MBTPS1: variants seen among roughly 807,000 people sequenced by gnomAD.
MBTPS1 encodes the protein membrane-bound transcription factor site-1 protease.
In MBTPS1, 94 loss-of-function variants were observed where a neutral mutation model predicts 127.8. That is an observed-to-expected ratio of 0.74 (90% confidence interval 0.62 to 0.87). The LOEUF (loss-of-function observed/expected upper bound fraction) is 0.87. Ranked by LOEUF, MBTPS1 falls within the 40% of genes least tolerant of loss-of-function variation. The probability of loss-of-function intolerance (pLI) is 0.00; values close to 1 mark genes in which losing one functional copy is unlikely to be tolerated. For synonymous variants in MBTPS1, 632 were observed against 509.4 expected, an observed-to-expected ratio of 1.24 and a Z score of -3.24; for missense variants, 1,636 against 1,353.2, an observed-to-expected ratio of 1.21 and a Z score of -3.28.
At chr16:84,099,496 C>G (rs1280877801) in intron 2 of MBTPS1, among the ~76,000 whole-genome samples, 186 bp from the exon 3 acceptor site, 1 of 152,116 alleles carries the variant, frequency 6.6e-6, no homozygotes, top group Non-Finnish European at 1.5e-5. Context: ...GAAAAATGAT[C>G]TATATGGGGC....
At chr16:84,068,567 G>A (rs910761875) in intron 14 of MBTPS1, 113 bp from the exon 15 acceptor site, 5 of 725,236 alleles carry the variant, frequency 6.9e-6, no homozygotes, top group Non-Finnish European at 1.2e-5. Context: ...CACAGAGAAG[G>A]CCTGGATGGC....
intron 21 of MBTPS1, chr16:84,057,024 C>A (rs1417808544): frequency 6.6e-6 from 1 of 152,190 alleles, no homozygotes; most frequent in African/African-American, 2.4e-5. Flanking sequence ...AAACTGTCAG[C>A]CTGTCTCTTT....
chr16:84,108,675 CCACTA>C (rs759354282), intron 1 of MBTPS1, among the ~76,000 whole-genome samples: 16 of 152,114 alleles, frequency 1.1e-4, no homozygotes, highest in Non-Finnish European at 1.5e-4. Context: ...TGGCAGAAGC[CCACTA>C]CAGGGTCTTA....
intron 3 of MBTPS1, among the ~76,000 whole-genome samples, chr16:84,098,764 C>T (rs938825843): frequency 1.1e-4 from 17 of 152,168 alleles, no homozygotes; most frequent in African/African-American, 4.1e-4. Flanking sequence ...TGGCGAAAAT[C>T]GCTTCCAACA....
intron 7 of MBTPS1, 46 bp downstream of exon 7, chr16:84,091,686 G>C (rs2086109423): frequency 1.5e-6 from 2 of 1,337,582 alleles, no homozygotes; most frequent in Non-Finnish European, 2.2e-6. Context: ...GGCTGCGAAA[G>C]AGCAGGAGCT....
rs528740887 is a variant in MBTPS1, at chr16:84,106,194, C to G, written c.-324-4087G>C. Among the ~76,000 whole-genome samples the G allele has an allele frequency of 2.1e-4, 32 of 152,176 alleles. 2 individuals are homozygous for G. In the South Asian group the frequency reaches 6.4e-3, roughly 31 times the overall value. ...CCTGTAGCTCCAGCTACTCAGTAGG[C>G]TCAGGCAGAAGAATCACTTGAACCC... On this transcript the variant is annotated intron_variant, in intron 1 of 22. Coordinates refer to ENST00000343411, the MANE Select transcript of MBTPS1 (RefSeq NM_003791.4).
chr16:84,099,207 AG>A lies in MBTPS1; in HGVS notation c.266del (p.Pro89LeufsTer15). ...GGTAGTCACTGGATGGATTGTTTCGAGGTATAATTCTCCAATTGTCTACTTC... is the reference window on the plus strand; with the variant it reads ...GGTAGTCACTGGATGGATTGTTTCGAGTATAATTCTCCAATTGTCTACTTC... ...SSEVDNWRIIPRNNPSSDYPS... is the reference protein window; with the variant it reads ...SSEVDNWRIIXRNNPSSDYPS... On this transcript the variant is annotated frameshift_variant, in exon 3 of 23. Transcript: ENST00000343411. LOFTEE classifies it high-confidence loss of function. 6.2e-7 allele frequency: 1 copy of A among 1,614,168 alleles called. No individual in the cohort carries two copies. Among genetic ancestry groups the A allele is most frequent in the Non-Finnish European group, 8.5e-7 (1 of 1,180,026 alleles).
In MBTPS1 at chr16:84,054,332, C is replaced by A; in HGVS notation, c.*117G>T. 1.1e-6 allele frequency: 1 copy of A among 937,658 alleles called. No homozygotes were observed. The highest frequency in any genetic ancestry group is 1.5e-6 in the Non-Finnish European group (1 of 651,062). 58.1% of individuals were successfully genotyped at this position (937,658 alleles called of 1,614,324 possible). On this transcript the variant is annotated 3_prime_UTR_variant, in exon 23 of 23. Coordinates refer to ENST00000343411, the MANE Select transcript of MBTPS1 (RefSeq NM_003791.4). ...CAGGCCCATGTAGAACAGACTCTAA[C>A]AAACCTGCAGCTGGAAACTGGATCC...
At chr16:84,087,203 C>G (rs576239860) in intron 9 of MBTPS1, among the ~76,000 whole-genome samples, 155 bp downstream of exon 9, 2 of 152,202 alleles carry the variant, frequency 1.3e-5, no homozygotes, top group African/African-American at 2.4e-5. Flanking sequence ...CTCGTCCTCA[C>G]GGCTGGGCAG....
At chr16:84,109,046 G>C (rs780758201) in intron 1 of MBTPS1, among the ~76,000 whole-genome samples, 12 of 152,228 alleles carry the variant, frequency 7.9e-5, no homozygotes, top group Non-Finnish European at 1.2e-4. Flanking sequence ...AAAAGGGTGT[G>C]GCAGCAGTGA....
Position 84,090,864 on chromosome 16 carries a change from G to C in MBTPS1, c.1031+11C>G. ...AAAATCCCCGAGGTCATCCCTGCTGGGGCTACTTACCCATAAAGAGGTCCG... is the reference window on the plus strand; with the variant it reads ...AAAATCCCCGAGGTCATCCCTGCTGCGGCTACTTACCCATAAAGAGGTCCG... On this transcript the variant is annotated intron_variant, in intron 8 of 22. Coordinates refer to ENST00000343411, the MANE Select transcript of MBTPS1 (RefSeq NM_003791.4). 6.2e-7 allele frequency: 1 copy of C among 1,604,128 alleles called. No homozygotes were observed. The highest frequency in any genetic ancestry group is 8.5e-7 in the Non-Finnish European group (1 of 1,173,828).
rs1342965455 is a variant in MBTPS1, at chr16:84,095,609, T to A, written c.618A>T (p.Gly206=). ...CTGGGTAATAGCACACACCTGTATA[T>A]CCCATCTGCCAGAGCACATCTGCCT... ...TLQADVLWQM[G]YTGANVRVAV... The change falls in exon 4 of 23, where the codon GGA becomes GGT. Residue 206 remains glycine (G), a synonymous_variant. Transcript: ENST00000343411. 1 of 1,614,004 alleles carries A rather than the reference T, an allele frequency of 6.2e-7. No homozygotes were observed. The highest frequency in any genetic ancestry group is 8.5e-7 in the Non-Finnish European group (1 of 1,180,006).
chr16:84,113,529 C>T (rs991665473), intron 1 of MBTPS1, among the ~76,000 whole-genome samples: 1 of 152,190 alleles, frequency 6.6e-6, no homozygotes, highest in Non-Finnish European at 1.5e-5. Flanking sequence ...GTATTACTTG[C>T]GCAAGCAACT....
At position 84,084,663 on chromosome 16, in the gene MBTPS1, G is replaced by C. The variant is rs535532566; in HGVS notation, c.1286+320C>G. Among the ~76,000 whole-genome samples the C allele has an allele frequency of 4.9e-4, 74 of 152,190 alleles. 2 individuals are homozygous for C. Among genetic ancestry groups the C allele is most frequent in the African/African-American group, 1.6e-3 (68 of 41,500 alleles). ...CCCTGCCTGATATTTATGCTTGCTT[G>C]GATATAAAAATCACAGTTCTAGCAC... is the stretch of plus-strand genomic sequence containing the variant. On this transcript the variant is annotated intron_variant, in intron 10 of 22. Coordinates refer to ENST00000343411, the MANE Select transcript of MBTPS1 (RefSeq NM_003791.4).
At chr16:84,116,398 C>A (rs909076283) in intron 1 of MBTPS1, among the ~76,000 whole-genome samples, 8 of 152,212 alleles carry the variant, frequency 5.3e-5, no homozygotes, top group Non-Finnish European at 8.8e-5. Context: ...TTAAACCTGA[C>A]GCCAGCACTG....
chr16:84,072,194 G>A (rs1476879150), intron 12 of MBTPS1: 1 of 152,378 alleles, frequency 6.6e-6, no homozygotes, highest in Non-Finnish European at 1.5e-5. Flanking sequence ...AAAACCTGAG[G>A]CTGAGGGAAG....
At chr16:84,079,005 G>A (rs2085900122) in intron 11 of MBTPS1, among the ~76,000 whole-genome samples, 1 of 152,248 alleles carries the variant, frequency 6.6e-6, no homozygotes, top group Admixed American at 6.5e-5. Flanking sequence ...GGCCTAGTGG[G>A]AGGGACTGGG....
In MBTPS1 at chr16:84,074,899, G is replaced by A. The variant is rs144410521; in HGVS notation, c.1449-158C>T. The A allele has an allele frequency of 4.5e-3, 2,650 of 589,170 alleles. 12 individuals carry two copies. Among genetic ancestry groups the A allele is most frequent in the Non-Finnish European group, 6.9e-3 (2,348 of 341,468 alleles). The allele number at this position is 589,170 out of a possible 1,614,324, so 36.5% of individuals were successfully genotyped here. On this transcript the variant is annotated intron_variant, in intron 11 of 22. Transcript: ENST00000343411. ...GCATCTGGGAACTTGGCTCTGGAATGCTCCTGCACAGATAAGGCCTCTGTG... is the reference window on the plus strand; with the variant it reads ...GCATCTGGGAACTTGGCTCTGGAATACTCCTGCACAGATAAGGCCTCTGTG...
chr16:84,083,820 T>C (rs1407894483), intron 10 of MBTPS1, among the ~76,000 whole-genome samples: 1 of 152,228 alleles, frequency 6.6e-6, no homozygotes, highest in East Asian at 1.9e-4. Flanking sequence ...GTACAATTTA[T>C]TTTTGGGGAA....
Sources: gnomAD v4.1 joint callset for allele counts (sites outside exome capture counted in the v4.1 genomes callset) on GRCh38, gnomAD v4.1.1 for gene constraint, MANE v1.5 for transcripts, NCBI Gene and HGNC (gene_info 2026-07-23, HGNC 2026-07-21) for gene names.